NALCN: variants seen among roughly 807,000 people sequenced by gnomAD.
NALCN encodes sodium leak channel, non-selective, also known as sodium leak channel NALCN.
In NALCN, 111 loss-of-function variants were observed where a neutral mutation model predicts 225.3. The observed-to-expected ratio is 0.49, with a 90% CI of 0.42 to 0.58. NALCN has a LOEUF of 0.58. Among genes scored for constraint, NALCN ranks in the 20% least tolerant of loss-of-function variants. NALCN has a pLI of 0.00. For synonymous variants in NALCN, 764 were observed against 769.0 expected (o/e 0.99, Z 0.11); for missense variants, 1,378 against 2,202.4 (o/e 0.63, Z 7.49).
chr13:101,334,054 A>G (rs1240483205), intron 7 of NALCN, among the ~76,000 whole-genome samples: 1 of 152,202 alleles, frequency 6.6e-6, no homozygotes, highest in Non-Finnish European at 1.5e-5. Context: ...CCTCAAGTAT[A>G]TACCGAGTTC....
At chr13:101,075,210 G>C (rs2033174044) in intron 35 of NALCN, among the ~76,000 whole-genome samples, 1 of 152,034 alleles carries the variant, frequency 6.6e-6, no homozygotes, top group Admixed American at 6.6e-5. Context: ...AATATATGTG[G>C]AATATACCCA....
At chr13:101,311,345 C>G (rs2044337929) in intron 7 of NALCN, among the ~76,000 whole-genome samples, 2 of 151,650 alleles carry the variant, frequency 1.3e-5, no homozygotes, top group African/African-American at 4.9e-5. Context: ...AATTGAATAC[C>G]CTTTATTTCC....
intron 43 of NALCN, 69 bp downstream of exon 43, chr13:101,057,870 A>AAAAC: frequency 7.8e-7 from 1 of 1,280,626 alleles, no homozygotes; most frequent in Non-Finnish European, 1.1e-6. Context: ...GGCAAGACCC[A>AAAAC]AAACACACAA....
At chr13:101,381,334 A>G (rs918505706) in intron 3 of NALCN, among the ~76,000 whole-genome samples, 1 of 152,074 alleles carries the variant, frequency 6.6e-6, no homozygotes, top group Non-Finnish European at 1.5e-5. Context: ...ATAACAAATA[A>G]CGTAAGGATT....
At chr13:101,370,467 G>C (rs766086689) in intron 6 of NALCN, among the ~76,000 whole-genome samples, 5 of 152,212 alleles carry the variant, frequency 3.3e-5, no homozygotes, top group Non-Finnish European at 7.3e-5. Flanking sequence ...CGGAAGACCA[G>C]GTCTTGAGCC....
intron 7 of NALCN, among the ~76,000 whole-genome samples, chr13:101,316,382 A>T (rs948199612): frequency 6.6e-6 from 1 of 152,128 alleles, no homozygotes; most frequent in Non-Finnish European, 1.5e-5. Flanking sequence ...AGTGAGAGAG[A>T]CCTCACTGGT....
chr13:101,402,659 A>C (rs1162141901), intron 1 of NALCN, among the ~76,000 whole-genome samples: 1 of 152,136 alleles, frequency 6.6e-6, no homozygotes, highest in Non-Finnish European at 1.5e-5. Flanking sequence ...TAACCCCTTA[A>C]GTGATCACCT....
intron 7 of NALCN, among the ~76,000 whole-genome samples, chr13:101,311,541 C>A (rs1051055355): frequency 9.2e-5 from 14 of 151,588 alleles, no homozygotes; most frequent in African/African-American, 3.4e-4. Flanking sequence ...CCCATCAATA[C>A]CTAATTTATT....
At chr13:101,244,023 T>C (rs1477360817) in intron 11 of NALCN, among the ~76,000 whole-genome samples, 1 of 36,552 alleles carries the variant, frequency 2.7e-5, no homozygotes, top group African/African-American at 9.1e-5. Context: ...CTATGGATAC[T>C]AGGGAATCTC....
rs768026538 is a variant in NALCN at position 101,104,580 on chromosome 13, T to C, written c.2707A>G (p.Met903Val). 2.5e-6 allele frequency: 4 copies of C among 1,613,972 alleles called. No individual in the cohort carries two copies. Among genetic ancestry groups the C allele is most frequent in the Admixed American group, 3.3e-5 (2 of 60,000 alleles). The change falls in exon 24 of 44, where the codon ATG becomes GTG. Residue 903 changes from methionine (M) to valine (V), a missense_variant. By Grantham distance (21) the Met-to-Val change is conservative (BLOSUM62 1). Coordinates refer to ENST00000251127, the MANE Select transcript of NALCN (RefSeq NM_052867.4). This position sits in a 1 kb window ranked among gnomAD's most constrained non-coding sequence, Gnocchi z 4.2. ...CTTCGAAACGGGGACTCAAACATCA[T>C]GGAAATGCAAGAGCAGATGGTTACG... Reference protein sequence around the residue: ...IIVTICSCISMMFESPFRRVM... With the variant: ...IIVTICSCISVMFESPFRRVM...
At chr13:101,309,761 G>T (rs1298806760) in intron 7 of NALCN, among the ~76,000 whole-genome samples, 1 of 152,118 alleles carries the variant, frequency 6.6e-6, no homozygotes, top group Non-Finnish European at 1.5e-5. Flanking sequence ...CTGTGTCAAA[G>T]AAAACAATTT....
chr13:101,400,552 T>TGTG (rs1555347140), intron 1 of NALCN, among the ~76,000 whole-genome samples: 1 of 113,736 alleles, frequency 8.8e-6, no homozygotes, highest in Non-Finnish European at 1.8e-5. Context: ...GCAGTGTGTG[T>TGTG]GTGTGTGTGT....
chr13:101,229,258 TA>T, intron 13 of NALCN, 134 bp downstream of exon 13: 1 of 859,180 alleles, frequency 1.2e-6, no homozygotes, highest in South Asian at 2.3e-5. Flanking sequence ...TTTTAAATAT[TA>T]AAATCTAATT....
intron 10 of NALCN, among the ~76,000 whole-genome samples, chr13:101,271,096 T>C (rs1430384711): frequency 6.6e-6 from 1 of 152,198 alleles, no homozygotes; most frequent in South Asian, 2.1e-4. Context: ...TAATGTGGCA[T>C]GCAAATAATT....
intron 30 of NALCN, among the ~76,000 whole-genome samples, chr13:101,087,642 C>T (rs576340872): frequency 2.6e-5 from 4 of 152,230 alleles, no homozygotes; most frequent in Middle Eastern, 3.4e-3. Context: ...ATAGAACATA[C>T]GCCCCAGATC....
chr13:101,319,212 C>T (rs1765958), intron 7 of NALCN, among the ~76,000 whole-genome samples: 166 of 152,318 alleles, frequency 1.1e-3, no homozygotes, highest in Non-Finnish European at 2.2e-3. Flanking sequence ...ACTCTTTCCT[C>T]TGTTGGTCAC....
At chr13:101,404,856 G>A (rs1320505659) in intron 1 of NALCN, among the ~76,000 whole-genome samples, 1 of 152,058 alleles carries the variant, frequency 6.6e-6, no homozygotes, top group African/African-American at 2.4e-5. Context: ...TTGTCCCATA[G>A]CTCATTCACA....
intron 10 of NALCN, 44 bp from the exon 11 acceptor site, chr13:101,258,618 T>G: frequency 6.2e-7 from 1 of 1,612,528 alleles, no homozygotes; most frequent in Non-Finnish European, 8.5e-7. Context: ...GAAATAAACC[T>G]CATGATTAAG....
At chr13:101,071,245 A>C (rs1165027258) in intron 37 of NALCN, among the ~76,000 whole-genome samples, 1 of 152,248 alleles carries the variant, frequency 6.6e-6, no homozygotes, top group Non-Finnish European at 1.5e-5. Flanking sequence ...CACCAGCTGC[A>C]TTAGTCCCTA....
Sources: allele counts gnomAD v4.1 joint callset (sites outside exome capture counted in the v4.1 genomes callset), GRCh38; gene constraint gnomAD v4.1.1; non-coding constraint Gnocchi (gnomAD v3.1); transcripts MANE v1.5; gene names NCBI Gene and HGNC (gene_info 2026-07-23, HGNC 2026-07-21).